The following PCNX2 variants were observed in gnomAD, a reference collection of about 807,000 sequenced individuals.
PCNX2 encodes pecanex-like protein 2.
PCNX2 carries 168 observed loss-of-function variants against 223.8 expected under a neutral mutation model. The observed-to-expected ratio is 0.75, with a 90% CI of 0.66 to 0.85. The LOEUF is 0.85. Ranked by LOEUF, PCNX2 falls within the 40% of genes least tolerant of loss-of-function variation. The probability of loss-of-function intolerance (pLI) is 0.00; values close to 1 mark genes in which losing one functional copy is unlikely to be tolerated. For synonymous variants in PCNX2, 1,006 were observed against 1,052.6 expected (o/e 0.96, Z 0.86); for missense variants, 2,507 against 2,675.5 (o/e 0.94, Z 1.39).
intron 23 of PCNX2, among the ~76,000 whole-genome samples, chr1:233,061,815 G>A (rs1175984710): frequency 6.6e-6 from 1 of 152,046 alleles, no homozygotes; most frequent in Non-Finnish European, 1.5e-5. Context: ...CTGGAGTGCA[G>A]TGGTGCGATC....
intron 21 of PCNX2, among the ~76,000 whole-genome samples, chr1:233,123,566 G>A (rs1675928482): frequency 6.7e-6 from 1 of 150,044 alleles, no homozygotes; most frequent in Non-Finnish European, 1.5e-5. Flanking sequence ...TGGGCGACAA[G>A]AGCAAGACTC....
intron 15 of PCNX2, among the ~76,000 whole-genome samples, chr1:233,189,500 T>C (rs1330559911): frequency 6.6e-6 from 1 of 152,190 alleles, no homozygotes; most frequent in Non-Finnish European, 1.5e-5. Context: ...GATGTTCACT[T>C]CCTCATTTTA....
intron 23 of PCNX2, among the ~76,000 whole-genome samples, chr1:233,085,482 T>C (rs1384883088): frequency 6.6e-6 from 1 of 152,194 alleles, no homozygotes; most frequent in South Asian, 2.1e-4. Context: ...AGCAAATTTA[T>C]TTTTCCAAAC....
chr1:233,044,928 C>CA (rs1196866170), intron 25 of PCNX2, among the ~76,000 whole-genome samples: 1 of 152,184 alleles, frequency 6.6e-6, no homozygotes, highest in Non-Finnish European at 1.5e-5. Flanking sequence ...CTCAGCCTCC[C>CA]AAAGTGCTAG....
At chr1:233,309,749 G>A in the PCNX2 span, among the ~76,000 whole-genome samples, 1 of 151,554 alleles carries the variant, frequency 6.6e-6, no homozygotes, top group Non-Finnish European at 1.5e-5. Flanking sequence ...ATGGTGGTGG[G>A]CGCCTGTAGT....
chr1:233,279,579 T>C (rs1386543597), intron 1 of PCNX2, among the ~76,000 whole-genome samples: 1 of 152,032 alleles, frequency 6.6e-6, no homozygotes, highest in East Asian at 1.9e-4. Flanking sequence ...GCCACCACCC[T>C]AGGCTGATAT....
intron 21 of PCNX2, chr1:233,113,043 T>G: frequency 8.0e-7 from 1 of 1,257,192 alleles, no homozygotes; most frequent in Non-Finnish European, 1.0e-6. Context: ...GTGCAGGCAC[T>G]TTCCTGCAAT....
chr1:233,087,139 A>C, intron 23 of PCNX2: 5 of 985,432 alleles, frequency 5.1e-6, no homozygotes, highest in Non-Finnish European at 6.0e-6. Context: ...TTTATTTATC[A>C]CTTCCTTGAA....
intron 8 of PCNX2, among the ~76,000 whole-genome samples, chr1:233,242,354 T>G (rs1658820698): frequency 6.6e-6 from 1 of 152,078 alleles, no homozygotes; most frequent in Non-Finnish European, 1.5e-5. Flanking sequence ...CCCAAAAAAG[T>G]ACTGCAAACA....
chr1:233,128,631 G>C (rs752809645), intron 21 of PCNX2, among the ~76,000 whole-genome samples: 2 of 152,144 alleles, frequency 1.3e-5, no homozygotes, highest in Non-Finnish European at 2.9e-5. Flanking sequence ...CACTGTGCCC[G>C]GCCAACTATG....
At chr1:233,256,843 G>A (rs1474316301) in intron 5 of PCNX2, among the ~76,000 whole-genome samples, 1 of 152,130 alleles carries the variant, frequency 6.6e-6, no homozygotes, top group African/African-American at 2.4e-5. Context: ...AGAAAAAATT[G>A]CTCAGAGCAA....
At chr1:233,164,240 A>G (rs945579755) in intron 17 of PCNX2, among the ~76,000 whole-genome samples, 3 of 152,236 alleles carry the variant, frequency 2.0e-5, no homozygotes, top group Non-Finnish European at 4.4e-5. Context: ...AATCAAAACC[A>G]CAATGATATA....
chr1:233,080,777 C>A (rs1198112263), intron 23 of PCNX2, among the ~76,000 whole-genome samples: 1 of 152,146 alleles, frequency 6.6e-6, no homozygotes, highest in Admixed American at 6.6e-5. Context: ...ACCTATGAAT[C>A]TGGGGGAGAA....
At chr1:233,067,242 A>T (rs1672647477) in intron 23 of PCNX2, among the ~76,000 whole-genome samples, 1 of 151,862 alleles carries the variant, frequency 6.6e-6, no homozygotes, top group Non-Finnish European at 1.5e-5. Flanking sequence ...GAATTTTAAA[A>T]GACAATAGAT....
chr1:233,074,816 A>G (rs1455355885), intron 23 of PCNX2, among the ~76,000 whole-genome samples: 1 of 152,082 alleles, frequency 6.6e-6, no homozygotes, highest in Non-Finnish European at 1.5e-5. Context: ...TATGCTCAAG[A>G]AAAGATAATC....
intron 24 of PCNX2, 137 bp downstream of exon 24, chr1:233,057,095 T>C: frequency 5.1e-6 from 4 of 791,198 alleles, no homozygotes; most frequent in Admixed American, 2.6e-5. Flanking sequence ...CCTGCACAGT[T>C]TTATTCCACA....
chr1:233,225,110 TAAAAAAAAAAA>T (rs71173259), intron 10 of PCNX2, among the ~76,000 whole-genome samples: 5 of 42,224 alleles, frequency 1.2e-4, no homozygotes, highest in Admixed American at 2.6e-4. Context: ...AGAACTAAAG[TAAAAAAAAAAA>T]AAAAAAAAAA....
intron 21 of PCNX2, among the ~76,000 whole-genome samples, chr1:233,116,826 A>C (rs1419212414): frequency 6.6e-6 from 1 of 152,148 alleles, no homozygotes; most frequent in African/African-American, 2.4e-5. Flanking sequence ...ATTACAAATA[A>C]GACAAAAATA....
At chr1:233,292,202 C>CTTTCT (rs1661807909) in intron 1 of PCNX2, among the ~76,000 whole-genome samples, 2 of 109,492 alleles carry the variant, frequency 1.8e-5, no homozygotes, top group East Asian at 2.7e-4. Context: ...TTCTTTCTTT[C>CTTTCT]TTTTTTTTTT....
Sources: gnomAD v4.1 joint callset for allele counts (sites outside exome capture counted in the v4.1 genomes callset) on GRCh38, gnomAD v4.1.1 for gene constraint, MANE v1.5 for transcripts, NCBI Gene and HGNC (gene_info 2026-07-23, HGNC 2026-07-21) for gene names.